FLRT1: variants seen among roughly 807,000 people sequenced by gnomAD.
FLRT1 encodes leucine-rich repeat transmembrane protein FLRT1.
FLRT1 carries 14 observed loss-of-function variants against 30.9 expected under a neutral mutation model. That is an observed-to-expected ratio of 0.45 (90% confidence interval 0.30 to 0.71). FLRT1 has a LOEUF of 0.71. Ranked by LOEUF, FLRT1 falls within the 30% of genes least tolerant of loss-of-function variation. FLRT1 has a pLI of 0.08. For synonymous variants in FLRT1, 368 were observed against 430.4 expected, an observed-to-expected ratio of 0.85 and a Z score of 1.80; for missense variants, 737 against 949.2, an observed-to-expected ratio of 0.78 and a Z score of 2.94.
At chr11:64,053,170 C>A (rs369961592) in intron 1 of FLRT1, among the ~76,000 whole-genome samples, 40 of 152,298 alleles carry the variant, frequency 2.6e-4, no homozygotes, top group African/African-American at 9.4e-4. Flanking sequence ...AGAGCTGGGG[C>A]TGGGCTTGGG....
chr11:64,040,469 C>A, intron 1 of FLRT1, among the ~76,000 whole-genome samples: 1 of 152,126 alleles, frequency 6.6e-6, no homozygotes, highest in Non-Finnish European at 1.5e-5. Context: ...GTCTCTGTGG[C>A]CCATCCATCC....
Position 64,096,839 on chromosome 11 carries a change from A to C in FLRT1, c.-1037-6355A>C, listed in dbSNP as rs1944585377. ...CCGTGTCCCCATACCCTCCAAGCACACTGCCAGCTGTGTCCCTTCGAGGGC... is the reference window on the plus strand; with the variant it reads ...CCGTGTCCCCATACCCTCCAAGCACCCTGCCAGCTGTGTCCCTTCGAGGGC... On this transcript the variant is annotated intron_variant, in intron 1 of 2. Transcript: ENST00000682287. This position sits in a 1 kb window ranked among gnomAD's most constrained non-coding sequence, Gnocchi z 4.6. 6.6e-6 allele frequency among the ~76,000 whole-genome samples: 1 copy of C among 152,168 alleles called. No homozygotes were observed. The highest frequency in any genetic ancestry group is 1.5e-5 in the Non-Finnish European group (1 of 68,022).
At chr11:64,086,468 G>A (rs1346677673) in intron 1 of FLRT1, among the ~76,000 whole-genome samples, 1 of 151,772 alleles carries the variant, frequency 6.6e-6, no homozygotes, top group Admixed American at 6.6e-5. Context: ...CTCTCCCCAT[G>A]CCCTCAGGAG....
chr11:64,074,612 C>A (rs754567065), intron 1 of FLRT1, among the ~76,000 whole-genome samples: 1 of 152,198 alleles, frequency 6.6e-6, no homozygotes, highest in Non-Finnish European at 1.5e-5. Flanking sequence ...TCTCCCATTG[C>A]TGAACTGGGC....
intron 1 of FLRT1, among the ~76,000 whole-genome samples, chr11:64,044,653 C>T (rs1050482856): frequency 5.3e-5 from 8 of 152,104 alleles, no homozygotes; most frequent in Non-Finnish European, 1.0e-4. Context: ...AGGGGAACCA[C>T]GTTCATTAGG....
At chr11:64,076,270 G>A (rs1944198667) in intron 1 of FLRT1, among the ~76,000 whole-genome samples, 1 of 152,236 alleles carries the variant, frequency 6.6e-6, no homozygotes, top group South Asian at 2.1e-4. Flanking sequence ...GTGCCCCCAT[G>A]ACCCTCCACT....
At chr11:64,078,228 G>A (rs1590876057) in intron 1 of FLRT1, among the ~76,000 whole-genome samples, 1 of 152,174 alleles carries the variant, frequency 6.6e-6, no homozygotes, top group African/African-American at 2.4e-5. Context: ...AGTAGGACGT[G>A]CCCTCCAGAA....
At chr11:64,093,964 TAGAA>T (rs1235546005) in intron 1 of FLRT1, among the ~76,000 whole-genome samples, 1 of 152,168 alleles carries the variant, frequency 6.6e-6, no homozygotes. Context: ...AGCTGGCTGA[TAGAA>T]AGCACGGTGC....
chr11:64,078,788 G>C (rs529829609), intron 1 of FLRT1, among the ~76,000 whole-genome samples: 2 of 152,122 alleles, frequency 1.3e-5, no homozygotes, highest in East Asian at 1.9e-4. Context: ...TGACTGCAGG[G>C]GGGGAGGCCT....
chr11:64,116,083 G>A lies in FLRT1; in HGVS notation c.-49-136G>A, dbSNP rs540611354. On this transcript the variant is annotated intron_variant, in intron 2 of 2. Coordinates refer to ENST00000682287, the MANE Select transcript of FLRT1 (RefSeq NM_013280.5). ...ACCTGGCACAAAGGCCACTCCTCCA[G>A]CTTGACCTCACCCCGCAGGACCGGA... 6 of 881,608 alleles carry A rather than the reference G, an allele frequency of 6.8e-6. No individual in the cohort carries two copies. In the Admixed American group the frequency reaches 1.5e-4, roughly 22 times the overall value. The allele number at this position is 881,608 out of a possible 1,614,324, so 54.6% of individuals were successfully genotyped here.
intron 1 of FLRT1, among the ~76,000 whole-genome samples, chr11:64,065,342 C>T (rs1028063183): frequency 2.0e-5 from 3 of 152,232 alleles, no homozygotes; most frequent in Admixed American, 6.5e-5. Flanking sequence ...GTTCTGAGGG[C>T]GGCTGGGGCC....
chr11:64,087,986 G>C (rs1445320926), intron 1 of FLRT1, among the ~76,000 whole-genome samples: 1 of 152,190 alleles, frequency 6.6e-6, no homozygotes, highest in Admixed American at 6.5e-5. Flanking sequence ...GAGCTGGGAG[G>C]GCCTCGAGAG....
At chr11:64,097,939 A>AGG (rs1454606907) in intron 1 of FLRT1, among the ~76,000 whole-genome samples, 1 of 152,054 alleles carries the variant, frequency 6.6e-6, no homozygotes, top group Admixed American at 6.5e-5. Context: ...GAGGAGAAGG[A>AGG]GGCGGGAACC....
intron 2 of FLRT1, among the ~76,000 whole-genome samples, chr11:64,109,183 C>G (rs937244005): frequency 2.0e-5 from 3 of 152,086 alleles, no homozygotes; most frequent in Admixed American, 6.5e-5. Context: ...TCCAGAAGCT[C>G]CTGGGACATG....
At chr11:64,048,413 C>T (rs1049915840) in intron 1 of FLRT1, among the ~76,000 whole-genome samples, 1 of 152,186 alleles carries the variant, frequency 6.6e-6, no homozygotes, top group Admixed American at 6.5e-5. Context: ...AGGGTCTGCC[C>T]TGGACCCTCC....
intron 1 of FLRT1, among the ~76,000 whole-genome samples, chr11:64,099,479 T>C (rs546377553): frequency 6.6e-6 from 1 of 152,016 alleles, no homozygotes; most frequent in Non-Finnish European, 1.5e-5. Context: ...AATGGATGAA[T>C]GGAGAGACGG....
chr11:64,094,994 A>G (rs1039530436), intron 1 of FLRT1, among the ~76,000 whole-genome samples: 3 of 152,184 alleles, frequency 2.0e-5, no homozygotes, highest in Non-Finnish European at 4.4e-5. Context: ...TGTGGCTTCA[A>G]AGAGCCTCGT....
At chr11:64,057,537 C>G (rs773836284) in intron 1 of FLRT1, among the ~76,000 whole-genome samples, 6 of 152,222 alleles carry the variant, frequency 3.9e-5, no homozygotes, top group African/African-American at 9.6e-5. Context: ...AAACAGCTGC[C>G]ACGCCCATTT....
chr11:64,112,721 G>T (rs1944884599), intron 2 of FLRT1, among the ~76,000 whole-genome samples: 1 of 152,154 alleles, frequency 6.6e-6, no homozygotes, highest in South Asian at 2.1e-4. Context: ...CACTTGCAAG[G>T]GCCCTGGGGA....
Sources: gnomAD v4.1 joint callset for allele counts (sites outside exome capture counted in the v4.1 genomes callset) on GRCh38, gnomAD v4.1.1 for gene constraint, Gnocchi (gnomAD v3.1) non-coding constraint, MANE v1.5 for transcripts, NCBI Gene and HGNC (gene_info 2026-07-23, HGNC 2026-07-21) for gene names.